The following SUPT4H1 variants were observed in gnomAD, a reference collection of about 807,000 sequenced individuals.
SUPT4H1 encodes the protein transcription elongation factor SPT4.
A neutral mutation model predicts 19.4 loss-of-function variants in SUPT4H1; 12 were observed. That is an observed-to-expected ratio of 0.62 (90% CI 0.40 to 1.00). The LOEUF (loss-of-function observed/expected upper bound fraction) is 1.00. Ranked by LOEUF, SUPT4H1 falls within the 50% of genes least tolerant of loss-of-function variation. The probability of loss-of-function intolerance (pLI) is 0.00; values close to 1 mark genes in which losing one functional copy is unlikely to be tolerated. For missense variants in SUPT4H1, 115 were observed against 149.2 expected, an observed-to-expected ratio of 0.77 and a Z score of 1.19; for synonymous variants, 58 against 56.3, an observed-to-expected ratio of 1.03 and a Z score of -0.14.
chr17:58,350,836 C>T (rs556111217), intron 2 of SUPT4H1, among the ~76,000 whole-genome samples: 47 of 81,922 alleles, frequency 5.7e-4, no homozygotes, highest in African/African-American at 2.3e-3. Flanking sequence ...AAAGTCTGTC[C>T]AAAAAAAAAA....
At chr17:58,346,578 C>G (rs1363703287) in intron 4 of SUPT4H1, among the ~76,000 whole-genome samples, 1 of 151,870 alleles carries the variant, frequency 6.6e-6, no homozygotes, top group Non-Finnish European at 1.5e-5. Flanking sequence ...TAAAAATTAG[C>G]CAGGTGTAGT....
At chr17:58,349,959 G>A (rs775417162) in intron 2 of SUPT4H1, among the ~76,000 whole-genome samples, 4 of 152,200 alleles carry the variant, frequency 2.6e-5, no homozygotes, top group Admixed American at 6.5e-5. Context: ...GCACAACAGT[G>A]AGTATGCACT....
At position 58,345,571 on chromosome 17, in the gene SUPT4H1, GAA is replaced by G. The variant is rs1453981055; in HGVS notation, c.*673_*674del. 6.6e-6 allele frequency: 1 copy of G among 152,266 alleles called. No homozygotes were observed. Among genetic ancestry groups the G allele is most frequent in the African/African-American group, 2.4e-5 (1 of 41,382 alleles). 9.4% of individuals were successfully genotyped at this position (152,266 alleles called of 1,614,324 possible). ...TAAGGTATAGGAAGAGCCGTGAAGA[GAA>G]GAAAATAGACAAGCAGGGGAGGGAA... On this transcript the variant is annotated 3_prime_UTR_variant, in exon 5 of 5. Coordinates refer to ENST00000225504, the MANE Select transcript of SUPT4H1 (RefSeq NM_003168.3).
rs548166230 is a variant in SUPT4H1 at position 58,350,602 on chromosome 17, G to A, written c.176+800C>T. 2.0e-5 allele frequency among the ~76,000 whole-genome samples: 3 copies of A among 151,296 alleles called. No homozygotes were observed. The East Asian group carries it at 5.9e-4, about 30-fold the overall frequency. On this transcript the variant is annotated intron_variant, in intron 2 of 4. Coordinates refer to ENST00000225504, the MANE Select transcript of SUPT4H1 (RefSeq NM_003168.3). ...TGTAATCCCAGCACTATGAGAGGCC[G>A]AGGTGGGCAGATCACCTGAGGTCAG...
At position 58,352,179 on chromosome 17, in the gene SUPT4H1, C is replaced by T. The variant is rs368170377; in HGVS notation, c.-44G>A. ...CAACAGGGAGATAGACGACCACAGC[C>T]TGTGCACCCGCAGGAAGTAAATAGC... On this transcript the variant is annotated 5_prime_UTR_variant, in exon 1 of 5. Transcript: ENST00000225504. The T allele has an allele frequency of 5.1e-5, 82 of 1,592,672 alleles. No homozygotes were observed. The highest frequency in any genetic ancestry group is 4.5e-4 in the East Asian group (20 of 44,710).
At chr17:58,348,454 G>A (rs555670759) in intron 2 of SUPT4H1, among the ~76,000 whole-genome samples, 8 of 152,046 alleles carry the variant, frequency 5.3e-5, no homozygotes, top group Non-Finnish European at 1.0e-4. Flanking sequence ...AAGTGGAACC[G>A]ACCCTACCTC....
intron 4 of SUPT4H1, 75 bp from the exon 5 acceptor site, chr17:58,346,388 A>AG (rs34048633): frequency 1.6e-6 from 2 of 1,266,702 alleles, no homozygotes; most frequent in Admixed American, 1.7e-5. Context: ...TGCCACCTTG[A>AG]GGGGGGTACT....
rs1972304439 is a variant in SUPT4H1, at chr17:58,346,720, A to AAT, written c.287-408_287-407insAT. On this transcript the variant is annotated intron_variant, in intron 4 of 4. Transcript: ENST00000225504. ...CCTGGGTGACAGAGACTCTGTCTCAAAAAAAAAAAAAAAAAAAAAGGTCCT... is the reference window on the plus strand; with the variant it reads ...CCTGGGTGACAGAGACTCTGTCTCAAATAAAAAAAAAAAAAAAAAAAGGTCCT... 6.1e-5 allele frequency among the ~76,000 whole-genome samples: 9 copies of AAT among 148,020 alleles called. No individual in the cohort carries two copies. The South Asian group carries it at 1.9e-3, about 31-fold the overall frequency.
At chr17:58,351,707 A>G in intron 1 of SUPT4H1, 199 bp from the exon 2 acceptor site, 2 of 578,160 alleles carry the variant, frequency 3.5e-6, no homozygotes, top group Admixed American at 3.2e-5. Context: ...CTCGTTCCCA[A>G]TTCCGTTTTA....
Position 58,345,441 on chromosome 17 carries a change from C to T in SUPT4H1, c.*805G>A, listed in dbSNP as rs866991182. 6.6e-6 allele frequency: 1 copy of T among 151,918 alleles called. No homozygotes were observed. The highest frequency in any genetic ancestry group is 1.9e-4 in the East Asian group (1 of 5,182). The allele number at this position is 151,918 out of a possible 1,614,324, so 9.4% of individuals were successfully genotyped here. On this transcript the variant is annotated 3_prime_UTR_variant, in exon 5 of 5. Coordinates refer to ENST00000225504, the MANE Select transcript of SUPT4H1 (RefSeq NM_003168.3). ...TGTTACCCAAGGTCCCCTACTAGGCCGGAGGAGAAAAGGACCTACCTCCTA... is the reference window on the plus strand; with the variant it reads ...TGTTACCCAAGGTCCCCTACTAGGCTGGAGGAGAAAAGGACCTACCTCCTA...
At chr17:58,350,440 G>C (rs527373548) in intron 2 of SUPT4H1, among the ~76,000 whole-genome samples, 1 of 151,812 alleles carries the variant, frequency 6.6e-6, no homozygotes, top group East Asian at 1.9e-4. Flanking sequence ...GAACCTGGGA[G>C]GCGGAGGTTG....
chr17:58,351,915 G>T, intron 1 of SUPT4H1, 152 bp downstream of exon 1: 1 of 767,600 alleles, frequency 1.3e-6, no homozygotes, highest in Non-Finnish European at 2.1e-6. Context: ...ATCCTACGAG[G>T]TAAACGATGG....
chr17:58,345,982 G>A lies in SUPT4H1; in HGVS notation c.*264C>T. On this transcript the variant is annotated 3_prime_UTR_variant, in exon 5 of 5. Coordinates refer to ENST00000225504, the MANE Select transcript of SUPT4H1 (RefSeq NM_003168.3). ...ACCTAGAGTCCTTGGCATGGGGAAG[G>A]CACAGACCTGGGCCACGGGTAGGAA... The A allele has an allele frequency of 2.4e-6, 1 of 421,328 alleles. No homozygotes were observed. The highest frequency in any genetic ancestry group is 2.0e-5 in the African/African-American group (1 of 49,096). The allele number at this position is 421,328 out of a possible 1,614,324, so 26.1% of individuals were successfully genotyped here.
At chr17:58,350,490 G>A (rs532711565) in intron 2 of SUPT4H1, among the ~76,000 whole-genome samples, 18 of 144,170 alleles carry the variant, frequency 1.2e-4, no homozygotes, top group South Asian at 8.7e-4. Flanking sequence ...CAGCCTGGGC[G>A]ACAGAGCGAG....
At chr17:58,347,358 T>C (rs563806442) in intron 3 of SUPT4H1, 117 bp from the exon 4 acceptor site, 1 of 1,353,914 alleles carries the variant, frequency 7.4e-7, no homozygotes, top group Admixed American at 1.7e-5. Context: ...TTCCCTCTTT[T>C]GGCTACAAGT....
chr17:58,351,760 C>T (rs1972533175), intron 1 of SUPT4H1: 1 of 572,260 alleles, frequency 1.7e-6, no homozygotes, highest in Non-Finnish European at 3.1e-6. Flanking sequence ...GCATCCTTTC[C>T]GACTACTCAC....
chr17:58,352,040 C>T (rs745696639), intron 1 of SUPT4H1, 27 bp downstream of exon 1: 2 of 1,612,806 alleles, frequency 1.2e-6, no homozygotes, highest in African/African-American at 1.3e-5. Context: ...CCCCCATGGG[C>T]CCTACAACCA....
rs535231665 is a variant in SUPT4H1 at position 58,348,595 on chromosome 17, G to A, written c.177-1011C>T. ...TGCAATCTATCTTTTTAGCCTTAGG[G>A]TCCCTACAGCCCAACCTTATGATTT... On this transcript the variant is annotated intron_variant, in intron 2 of 4. Transcript: ENST00000225504. Among the ~76,000 whole-genome samples the A allele has an allele frequency of 2.0e-4, 30 of 152,152 alleles. 1 individual carries two copies. The South Asian group carries it at 6.2e-3, about 32-fold the overall frequency.
Position 58,351,425 on chromosome 17 carries a change from G to A in SUPT4H1, c.153C>T (p.Asp51=). Residue 51 remains aspartate (D), a synonymous_variant, in exon 2 of 5, where the codon GAC becomes GAT. Coordinates refer to ENST00000225504, the MANE Select transcript of SUPT4H1 (RefSeq NM_003168.3). ...QMKGNREMVY[D]CTSSSFDGII... ...ACCCATCAAAGGAAGAGCTAGTGCA[G>A]TCATATACCATCTCTCGGTTACCCT... is the stretch of plus-strand genomic sequence containing the variant. 1 of 1,613,574 alleles carries A rather than the reference G, an allele frequency of 6.2e-7. No homozygotes were observed. Among genetic ancestry groups the A allele is most frequent in the Non-Finnish European group, 8.5e-7 (1 of 1,179,590 alleles).
Sources: allele counts gnomAD v4.1 joint callset (sites outside exome capture counted in the v4.1 genomes callset), GRCh38; gene constraint gnomAD v4.1.1; transcripts MANE v1.5; gene names NCBI Gene and HGNC (gene_info 2026-07-23, HGNC 2026-07-21).